MDGA2: variants seen among roughly 807,000 people sequenced by gnomAD.
The protein encoded by MDGA2 is MAM domain-containing glycosylphosphatidylinositol anchor protein 2.
MDGA2 carries 40 observed loss-of-function variants against 117.8 expected under a neutral mutation model. The observed-to-expected ratio is 0.34, with a 90% CI of 0.26 to 0.44. The LOEUF is 0.44. MDGA2 is among the 20% of genes least tolerant of loss of function. The pLI, the probability that MDGA2 is intolerant of heterozygous loss-of-function variation, is 1.00. For missense variants in MDGA2, 1,123 were observed against 1,250.6 expected, an observed-to-expected ratio of 0.90 and a Z score of 1.54; for synonymous variants, 452 against 439.0, an observed-to-expected ratio of 1.03 and a Z score of -0.37.
intron 2 of MDGA2, among the ~76,000 whole-genome samples, chr14:47,223,799 C>A (rs1268490940): frequency 6.6e-6 from 1 of 152,164 alleles, no homozygotes; most frequent in East Asian, 1.9e-4. Context: ...GTTTAACTGA[C>A]TCACAGTTCT....
In MDGA2 at chr14:47,301,504, A is replaced by G. The variant is rs1889283298; in HGVS notation, c.327T>C (p.Ile109=). The change falls in exon 2 of 17, where the codon ATT becomes ATC. Residue 109 remains isoleucine, a synonymous_variant. Transcript: ENST00000399232. ...CCCTTTCGGAGTAGCGCTCCTCTTCAATGTTACAGGCCAAGCCTGAGTGCA... is the reference window on the plus strand; with the variant it reads ...CCCTTTCGGAGTAGCGCTCCTCTTCGATGTTACAGGCCAAGCCTGAGTGCA... ...RIVHSGLACN[I]EEERYSERVY... The G allele has an allele frequency of 1.9e-6, 3 of 1,551,690 alleles. No individual in the cohort carries two copies. The highest frequency in any genetic ancestry group is 1.2e-5 in the South Asian group (1 of 84,064).
chr14:46,959,424 G>C (rs1885703996), intron 8 of MDGA2, among the ~76,000 whole-genome samples: 1 of 151,564 alleles, frequency 6.6e-6, no homozygotes, highest in African/African-American at 2.4e-5. Flanking sequence ...ATCTTTATAA[G>C]TATTTTTATT....
chr14:47,567,761 T>A (rs1566519409), intron 1 of MDGA2, among the ~76,000 whole-genome samples: 3 of 152,202 alleles, frequency 2.0e-5, no homozygotes. Flanking sequence ...AACTAAGGCC[T>A]TAACTCTATG....
intron 8 of MDGA2, among the ~76,000 whole-genome samples, chr14:47,024,424 C>T (rs972916909): frequency 2.6e-5 from 4 of 152,248 alleles, no homozygotes; most frequent in East Asian, 3.9e-4. Context: ...AACATCTGAT[C>T]GCTTCTGTCA....
chr14:47,081,229 T>C (rs943818382), intron 6 of MDGA2, among the ~76,000 whole-genome samples: 1 of 152,164 alleles, frequency 6.6e-6, no homozygotes, highest in Non-Finnish European at 1.5e-5. Context: ...GTTGTAGCTC[T>C]TAAATGTATA....
intron 6 of MDGA2, among the ~76,000 whole-genome samples, chr14:47,083,275 A>C (rs2138902208): frequency 6.6e-6 from 1 of 152,116 alleles, no homozygotes; most frequent in South Asian, 2.1e-4. Context: ...ACATCTAAGC[A>C]CTTACTATAA....
intron 8 of MDGA2, among the ~76,000 whole-genome samples, chr14:47,007,495 G>A (rs1451882883): frequency 1.3e-5 from 2 of 151,658 alleles, no homozygotes; most frequent in Non-Finnish European, 2.9e-5. Flanking sequence ...GGCTATTTTA[G>A]TATACATTAA....
intron 8 of MDGA2, among the ~76,000 whole-genome samples, chr14:46,969,933 CATATATATATATATATATATAT>C (rs1157465830): frequency 1.8e-3 from 28 of 15,296 alleles, no homozygotes; most frequent in Middle Eastern, 0.077. Context: ...TAAAGTATTC[CATATATATATATATATATATAT>C]ATATATATAT....
intron 9 of MDGA2, among the ~76,000 whole-genome samples, chr14:46,942,403 C>T (rs1009288527): frequency 6.6e-6 from 1 of 152,086 alleles, no homozygotes; most frequent in Non-Finnish European, 1.5e-5. Flanking sequence ...CACAATAGTA[C>T]CTTATTCAGA....
At chr14:47,431,943 A>G (rs1271383468) in intron 1 of MDGA2, among the ~76,000 whole-genome samples, 1 of 152,104 alleles carries the variant, frequency 6.6e-6, no homozygotes, top group African/African-American at 2.4e-5. Flanking sequence ...ACCCTTATGA[A>G]CAACCTGAAG....
chr14:47,618,040 C>T (rs546963167), intron 1 of MDGA2, among the ~76,000 whole-genome samples: 1 of 152,220 alleles, frequency 6.6e-6, no homozygotes, highest in East Asian at 1.9e-4. Flanking sequence ...TTAGCTACAT[C>T]CTATCAGTGT....
chr14:47,627,866 C>G (rs1897178192), intron 1 of MDGA2, among the ~76,000 whole-genome samples: 1 of 152,188 alleles, frequency 6.6e-6, no homozygotes, highest in South Asian at 2.1e-4. Context: ...ACGCCTGAGC[C>G]AGCAAGACCA....
intron 2 of MDGA2, among the ~76,000 whole-genome samples, chr14:47,236,898 G>C (rs1310153254): frequency 6.6e-6 from 1 of 152,168 alleles, no homozygotes; most frequent in African/African-American, 2.4e-5. Flanking sequence ...AAGCCAAGCT[G>C]TTAGAAACCT....
chr14:47,619,305 A>C (rs1347993513), intron 1 of MDGA2, among the ~76,000 whole-genome samples: 1 of 152,204 alleles, frequency 6.6e-6, no homozygotes, highest in Non-Finnish European at 1.5e-5. Context: ...ACATGAATAA[A>C]AATTGTACTC....
intron 3 of MDGA2, among the ~76,000 whole-genome samples, chr14:47,167,156 A>T (rs1179354241): frequency 6.6e-6 from 1 of 151,718 alleles, no homozygotes; most frequent in Non-Finnish European, 1.5e-5. Context: ...CCAAATGCAG[A>T]TGTGACCATC....
chr14:47,536,296 T>A (rs1895209232), intron 1 of MDGA2, among the ~76,000 whole-genome samples: 1 of 152,226 alleles, frequency 6.6e-6, no homozygotes, highest in Non-Finnish European at 1.5e-5. Flanking sequence ...CTTAAAGGTA[T>A]ATTTCTCCTC....
chr14:47,538,773 G>A (rs1895276771), intron 1 of MDGA2, among the ~76,000 whole-genome samples: 1 of 150,892 alleles, frequency 6.6e-6, no homozygotes, highest in African/African-American at 2.4e-5. Context: ...TCTACCCTAT[G>A]TGATTAGCAT....
At position 47,037,812 on chromosome 14, in the gene MDGA2, G is replaced by C. The variant is rs143783122; in HGVS notation, c.1526-2508C>G. On this transcript the variant is annotated intron_variant, in intron 7 of 16. Coordinates refer to ENST00000399232, the MANE Select transcript of MDGA2 (RefSeq NM_001113498.3). ...AATCTGTGTAAAATAAATAAAAAAT[G>C]TATAACTTTAAAGACTAATGGAGGG... Among the ~76,000 whole-genome samples, 502 of 152,226 alleles carry C rather than the reference G, an allele frequency of 3.3e-3. 4 individuals carry two copies. The highest frequency in any genetic ancestry group is 0.012 in the African/African-American group (485 of 41,544).
intron 15 of MDGA2, among the ~76,000 whole-genome samples, chr14:46,854,648 C>A (rs1475988816): frequency 6.6e-6 from 1 of 151,440 alleles, no homozygotes; most frequent in Non-Finnish European, 1.5e-5. Flanking sequence ...AAAATTTAAT[C>A]AAGAAAAATT....
Sources: gnomAD v4.1 joint callset for allele counts (sites outside exome capture counted in the v4.1 genomes callset) on GRCh38, gnomAD v4.1.1 for gene constraint, MANE v1.5 for transcripts, NCBI Gene and HGNC (gene_info 2026-07-23, HGNC 2026-07-21) for gene names.